The following C1orf141 variants were observed in gnomAD, a reference collection of about 807,000 sequenced individuals.
C1orf141 encodes uncharacterized protein C1orf141.
Under a neutral mutation model 23.2 loss-of-function variants are expected in C1orf141, and 19 were observed. The observed-to-expected ratio is 0.82, with a 90% CI of 0.57 to 1.20. C1orf141 has a LOEUF of 1.20. Ranked by LOEUF, C1orf141 falls within the 50% of genes most tolerant of loss-of-function variation. C1orf141 has a pLI of 0.00. For synonymous variants in C1orf141, 153 were observed against 154.6 expected (o/e 0.99, Z 0.08); for missense variants, 469 against 455.1 (o/e 1.03, Z -0.28).
chr1:67,126,306 T>A (rs1202550959), intron 3 of C1orf141, among the ~76,000 whole-genome samples: 1 of 152,180 alleles, frequency 6.6e-6, no homozygotes, highest in African/African-American at 2.4e-5. Flanking sequence ...ATCACACCAA[T>A]CTTCCTCTAG....
upstream of C1orf141, chr1:67,139,054 C>G (rs1646609923): frequency 6.6e-6 from 1 of 152,288 alleles, no homozygotes; most frequent in Admixed American, 6.6e-5. Flanking sequence ...TGGAGTCAAT[C>G]CAGGGGAAGA....
intron 5 of C1orf141, chr1:67,103,374 A>AT: frequency 7.2e-7 from 1 of 1,381,830 alleles, no homozygotes; most frequent in Non-Finnish European, 9.5e-7. Flanking sequence ...AAGGCCCTGC[A>AT]TTTTCCATCT....
chr1:67,101,487 T>TGTGTGTGA (rs760865676), intron 5 of C1orf141, among the ~76,000 whole-genome samples: 4,533 of 150,422 alleles, frequency 0.03, 77 homozygotes, highest in African/African-American at 0.034. Context: ...TGTGTGTGTG[T>TGTGTGTGA]GATGGAGTAG....
rs562925689 is a variant in C1orf141 at position 67,116,162 on chromosome 1, T to A, written c.234-698A>T. Reference sequence around the variant, plus strand: ...CCTGCACTTAGCTTAATTATAAGTATCTTGAACTTAACATATTCAAAACCA... The same window carrying A: ...CCTGCACTTAGCTTAATTATAAGTAACTTGAACTTAACATATTCAAAACCA... On this transcript the variant is annotated intron_variant, in intron 4 of 7. Coordinates refer to ENST00000684719, the MANE Select transcript of C1orf141 (RefSeq NM_001276351.2). Among the ~76,000 whole-genome samples, 110 of 152,294 alleles carry A rather than the reference T, an allele frequency of 7.2e-4. 1 individual carries two copies. The highest frequency in any genetic ancestry group is 1.2e-3 in the Non-Finnish European group (84 of 68,026).
At chr1:67,101,367 A>G (rs886429057) in intron 5 of C1orf141, among the ~76,000 whole-genome samples, 1 of 152,074 alleles carries the variant, frequency 6.6e-6, no homozygotes, top group Admixed American at 6.6e-5. Flanking sequence ...CAATAAGGAA[A>G]GGAATCCCAA....
At chr1:67,103,751 A>G (rs548520736) in intron 5 of C1orf141, among the ~76,000 whole-genome samples, 24 of 152,122 alleles carry the variant, frequency 1.6e-4, no homozygotes, top group Non-Finnish European at 3.5e-4. Flanking sequence ...CTGTTTTGAC[A>G]AACTATTACT....
At chr1:67,125,955 T>G (rs1033677538) in intron 3 of C1orf141, 46 bp from the exon 4 acceptor site, 4 of 1,472,142 alleles carry the variant, frequency 2.7e-6, no homozygotes, top group African/African-American at 1.4e-5. Context: ...AAAGAGTACT[T>G]TTTATATGGG....
At chr1:67,105,804 G>A (rs1049969018) in intron 5 of C1orf141, among the ~76,000 whole-genome samples, 1 of 152,188 alleles carries the variant, frequency 6.6e-6, no homozygotes, top group African/African-American at 2.4e-5. Flanking sequence ...TAGCTTGAAG[G>A]CAGACTGAAG....
intron 4 of C1orf141, among the ~76,000 whole-genome samples, chr1:67,120,299 A>G (rs1161759433): frequency 6.6e-6 from 1 of 152,108 alleles, no homozygotes; most frequent in South Asian, 2.1e-4. Flanking sequence ...GTCTCAGGGT[A>G]CTCTTACCTC....
upstream of C1orf141, among the ~76,000 whole-genome samples, chr1:67,139,562 A>T (rs75185926): frequency 2.7e-3 from 414 of 152,290 alleles, 1 homozygote; most frequent in African/African-American, 9.6e-3. Flanking sequence ...AAAGACCACA[A>T]CTTAATATTT....
chr1:67,136,091 G>A (rs1195399641), upstream of C1orf141, among the ~76,000 whole-genome samples: 3 of 152,142 alleles, frequency 2.0e-5, no homozygotes, highest in Admixed American at 6.5e-5. Context: ...GGAGCACAGT[G>A]GTGTGATCAT....
upstream of C1orf141, chr1:67,139,092 C>T (rs1352346049): frequency 6.6e-6 from 1 of 152,376 alleles, no homozygotes; most frequent in Non-Finnish European, 1.5e-5. Flanking sequence ...TGGGCAGTAT[C>T]ATTTGAGCCC....
chr1:67,097,962 G>T (rs897181939), intron 5 of C1orf141, among the ~76,000 whole-genome samples: 3 of 152,140 alleles, frequency 2.0e-5, no homozygotes, highest in Non-Finnish European at 4.4e-5. Context: ...CTTGTGAAAG[G>T]AGAATAAAAA....
intron 5 of C1orf141, among the ~76,000 whole-genome samples, chr1:67,107,383 A>G (rs1645953224): frequency 6.6e-6 from 1 of 152,208 alleles, no homozygotes; most frequent in Non-Finnish European, 1.5e-5. Flanking sequence ...ACTTAATTTC[A>G]CCCATATCAC....
chr1:67,092,519 C>G lies in C1orf141; in HGVS notation c.*486G>C, dbSNP rs1257621972. ...AAATCTATTCAAAGTTTTACAAAGC[C>G]CTTTTAATTGCATAAATTGCTAATG... On this transcript the variant is annotated 3_prime_UTR_variant, in exon 8 of 8. Coordinates refer to ENST00000684719, the MANE Select transcript of C1orf141 (RefSeq NM_001276351.2). 6.6e-6 allele frequency: 1 copy of G among 152,188 alleles called. No individual in the cohort carries two copies. The highest frequency in any genetic ancestry group is 1.9e-4 in the East Asian group (1 of 5,296). The allele number at this position is 152,188 out of a possible 1,614,324, so 9.4% of individuals were successfully genotyped here. A position where few individuals can be genotyped will look rare whatever the true frequency, so the allele number is the denominator to read the frequency against.
At position 67,108,448 on chromosome 1, in the gene C1orf141, A is replaced by G. The variant is rs184360769; in HGVS notation, c.346+6904T>C. 1.6e-4 allele frequency among the ~76,000 whole-genome samples: 24 copies of G among 152,312 alleles called. 1 individual carries two copies. In the East Asian group the frequency reaches 4.6e-3, roughly 29 times the overall value. On this transcript the variant is annotated intron_variant, in intron 5 of 7. Coordinates refer to ENST00000684719, the MANE Select transcript of C1orf141 (RefSeq NM_001276351.2). Reference sequence around the variant, plus strand: ...CCATCACATTGGCTATTAAGTTTCAACATATGAATTTTGAGGGTACACATT... The same window carrying G: ...CCATCACATTGGCTATTAAGTTTCAGCATATGAATTTTGAGGGTACACATT...
At chr1:67,117,228 G>A (rs1646211729) in intron 4 of C1orf141, among the ~76,000 whole-genome samples, 1 of 152,166 alleles carries the variant, frequency 6.6e-6, no homozygotes, top group Admixed American at 6.5e-5. Flanking sequence ...TTCAAGACCA[G>A]CCTGGCCAAC....
intron 5 of C1orf141, chr1:67,103,444 A>C: frequency 3.0e-6 from 3 of 993,480 alleles, no homozygotes; most frequent in East Asian, 2.9e-5. Context: ...TATATTAATA[A>C]ATAATTTATG....
chr1:67,105,182 C>T (rs114617081), intron 5 of C1orf141, among the ~76,000 whole-genome samples: 28 of 151,772 alleles, frequency 1.8e-4, no homozygotes, highest in African/African-American at 5.6e-4. Context: ...CAAAATAAGC[C>T]GGGTGTGGTG....
Sources: allele counts gnomAD v4.1 joint callset (sites outside exome capture counted in the v4.1 genomes callset), GRCh38; gene constraint gnomAD v4.1.1; transcripts MANE v1.5; gene names NCBI Gene and HGNC (gene_info 2026-07-23, HGNC 2026-07-21).